PODXL: variants seen among roughly 807,000 people sequenced by gnomAD.
PODXL encodes the protein podocalyxin like.
Under a neutral mutation model 48.9 loss-of-function variants are expected in PODXL, and 20 were observed. That is an observed-to-expected ratio of 0.41 (90% CI 0.29 to 0.59). The LOEUF is 0.59. PODXL is among the 20% of genes least tolerant of loss of function. The pLI is 0.31. For synonymous variants in PODXL, 295 were observed against 287.4 expected (o/e 1.03, Z -0.27); for missense variants, 606 against 675.1 (o/e 0.90, Z 1.13).
At chr7:131,550,811 G>GTC (rs1798657646) in intron 1 of PODXL, among the ~76,000 whole-genome samples, 1 of 151,792 alleles carries the variant, frequency 6.6e-6, no homozygotes, top group African/African-American at 2.4e-5. Flanking sequence ...GCACACACAC[G>GTC]TGTGCACACC....
chr7:131,542,371 G>A (rs1243039760), intron 1 of PODXL, among the ~76,000 whole-genome samples: 1 of 152,186 alleles, frequency 6.6e-6, no homozygotes, highest in African/African-American at 2.4e-5. Context: ...AAAGTGGAAG[G>A]GAGGCTGGCT....
intron 1 of PODXL, among the ~76,000 whole-genome samples, chr7:131,517,184 A>G (rs1182981179): frequency 2.0e-5 from 3 of 152,208 alleles, no homozygotes; most frequent in Non-Finnish European, 4.4e-5. Flanking sequence ...TGCTGATTTC[A>G]GTGGGGACGG....
intron 1 of PODXL, among the ~76,000 whole-genome samples, chr7:131,532,231 C>T (rs1180859233): frequency 1.3e-5 from 2 of 150,566 alleles, no homozygotes; most frequent in Non-Finnish European, 3.0e-5. Context: ...GTCAGGAGAT[C>T]GAGAACATCC....
rs759683655 is a variant in PODXL at position 131,511,047 on chromosome 7, T to C, written c.487A>G (p.Ser163Gly). The change falls in exon 2 of 9, where the codon AGC becomes GGC. Residue 163 changes from serine to glycine, a missense_variant. Coordinates refer to ENST00000378555, the MANE Select transcript of PODXL (RefSeq NM_001018111.3). The part of the protein sequence containing the change: ...EDTTNSGGKS[S>G]HSVTTDLTST... ...GTGAGGTCTGTGGTCACACTGTGGC[T>C]GCTTTTCCCCCCAGAGTTTGTTGTA... 6 of 1,614,142 alleles carry C rather than the reference T, an allele frequency of 3.7e-6. No individual in the cohort carries two copies. Among genetic ancestry groups the C allele is most frequent in the Non-Finnish European group, 5.1e-6 (6 of 1,180,006 alleles).
chr7:131,539,157 G>A (rs896576163), intron 1 of PODXL, among the ~76,000 whole-genome samples: 8 of 152,182 alleles, frequency 5.3e-5, no homozygotes, highest in Non-Finnish European at 7.3e-5. Flanking sequence ...CTGCCTTTAA[G>A]GTCAGTTTAA....
intron 1 of PODXL, among the ~76,000 whole-genome samples, chr7:131,553,487 T>C (rs538836409): frequency 2.3e-4 from 35 of 152,348 alleles, no homozygotes; most frequent in African/African-American, 7.5e-4. Context: ...CTAATCATCA[T>C]AGCTATTTTT....
At chr7:131,518,657 C>A (rs1167083206) in intron 1 of PODXL, among the ~76,000 whole-genome samples, 1 of 152,190 alleles carries the variant, frequency 6.6e-6, no homozygotes, top group Admixed American at 6.5e-5. Flanking sequence ...ATTTAACAGG[C>A]CACTTATCCT....
chr7:131,552,836 G>A (rs1251068127), intron 1 of PODXL, among the ~76,000 whole-genome samples: 2 of 152,154 alleles, frequency 1.3e-5, no homozygotes, highest in Admixed American at 6.5e-5. Context: ...GCCCAGGCTG[G>A]AGAGCAGTGG....
chr7:131,549,271 C>G (rs1798632338), intron 1 of PODXL, among the ~76,000 whole-genome samples: 1 of 152,094 alleles, frequency 6.6e-6, no homozygotes, highest in South Asian at 2.1e-4. Flanking sequence ...GGGAGAAGAG[C>G]TGGTTGTATG....
intron 1 of PODXL, among the ~76,000 whole-genome samples, chr7:131,513,378 C>G (rs916741197): frequency 6.6e-6 from 1 of 152,174 alleles, no homozygotes; most frequent in East Asian, 1.9e-4. Context: ...TAAGGTGATT[C>G]CTAGTTTTCT....
intron 2 of PODXL, 98 bp from the exon 3 acceptor site, chr7:131,510,429 T>C: frequency 3.7e-6 from 1 of 272,984 alleles, no homozygotes; most frequent in Non-Finnish European, 7.1e-6. Flanking sequence ...GAGAATTGCT[T>C]GAACCCGGAG....
chr7:131,509,037 AGC>A lies in PODXL; in HGVS notation c.1024-11_1024-10del. 6.2e-7 allele frequency: 1 copy of A among 1,609,326 alleles called. No individual in the cohort carries two copies. Among genetic ancestry groups the A allele is most frequent in the East Asian group, 2.2e-5 (1 of 44,846 alleles). On this transcript the variant is annotated splice_polypyrimidine_tract_variant and intron_variant, in intron 4 of 8. Transcript: ENST00000378555. ...AGATCCTCACACTTTGCCTGGAAGAAGCCACTGAGATTAAGGTTTGGGCTAAT... is the reference window on the plus strand; with the variant it reads ...AGATCCTCACACTTTGCCTGGAAGAACACTGAGATTAAGGTTTGGGCTAAT...
At chr7:131,549,386 G>A (rs1411837633) in intron 1 of PODXL, among the ~76,000 whole-genome samples, 4 of 152,186 alleles carry the variant, frequency 2.6e-5, no homozygotes, top group Non-Finnish European at 5.9e-5. Context: ...AGGGCTCTGT[G>A]GTTCCAATCA....
At chr7:131,554,971 C>T (rs1395768985) in intron 1 of PODXL, among the ~76,000 whole-genome samples, 1 of 152,196 alleles carries the variant, frequency 6.6e-6, no homozygotes, top group East Asian at 1.9e-4. Context: ...TCCAGGGACA[C>T]ACATTCTTCC....
chr7:131,539,413 C>T (rs1470178817), intron 1 of PODXL, among the ~76,000 whole-genome samples: 1 of 152,108 alleles, frequency 6.6e-6, no homozygotes, highest in Admixed American at 6.5e-5. Context: ...TTACTGCAAC[C>T]TCCGCCTCCC....
At chr7:131,520,262 C>A in intron 1 of PODXL, 1 of 485,052 alleles carries the variant, frequency 2.1e-6, no homozygotes, top group Non-Finnish European at 4.1e-6. Context: ...GCATGCCCCT[C>A]AGGCACTCAC....
At chr7:131,541,281 C>T (rs934725521) in intron 1 of PODXL, among the ~76,000 whole-genome samples, 3 of 151,512 alleles carry the variant, frequency 2.0e-5, no homozygotes, top group Non-Finnish European at 4.4e-5. Context: ...ACAGAGCACA[C>T]GATCCGAATT....
At chr7:131,527,900 C>CT (rs759943507) in intron 1 of PODXL, among the ~76,000 whole-genome samples, 13,099 of 116,482 alleles carry the variant, frequency 0.11, 1,840 homozygotes, top group African/African-American at 0.31. Flanking sequence ...TAGTCAGACA[C>CT]TTTTTTTTTT....
intron 1 of PODXL, among the ~76,000 whole-genome samples, chr7:131,538,644 C>G (rs1467748127): frequency 6.6e-6 from 1 of 152,144 alleles, no homozygotes; most frequent in Non-Finnish European, 1.5e-5. Context: ...CGGTGCCACC[C>G]AAGATTCCTG....
Sources: gnomAD v4.1 joint callset for allele counts (sites outside exome capture counted in the v4.1 genomes callset) on GRCh38, gnomAD v4.1.1 for gene constraint, MANE v1.5 for transcripts, NCBI Gene and HGNC (gene_info 2026-07-23, HGNC 2026-07-21) for gene names.